SLC44A2: variants seen among roughly 807,000 people sequenced by gnomAD.
The protein encoded by SLC44A2 is solute carrier family 44 member 2 (CTL2 blood group).
In SLC44A2, 57 loss-of-function variants were observed where a neutral mutation model predicts 90.8. The ratio of observed to expected loss-of-function variants is 0.63; its 90% CI spans 0.51 to 0.78. The LOEUF (loss-of-function observed/expected upper bound fraction) is 0.78, where lower values mean the gene tolerates loss of function less well. Ranked by LOEUF, SLC44A2 falls within the 30% of genes least tolerant of loss-of-function variation. The pLI, the probability that SLC44A2 is intolerant of heterozygous loss-of-function variation, is 0.00. For synonymous variants in SLC44A2, 355 were observed against 360.7 expected (o/e 0.98, Z 0.18); for missense variants, 794 against 919.7 (o/e 0.86, Z 1.77).
chr19:10,625,491 G>C, upstream of SLC44A2: 1 of 1,221,108 alleles, frequency 8.2e-7, no homozygotes, highest in Non-Finnish European at 1.0e-6. Flanking sequence ...GGGCCGGTCT[G>C]ACCGGTTTGG....
rs748703156 is a variant in SLC44A2 at position 10,635,421 on chromosome 19, G to A, written c.1149-10G>A. ...AGTCCTAGACCTCTGCTTCCTTAAC[G>A]AACCTCCAGCTTCCTGTCCACTTCC... On this transcript the variant is annotated splice_polypyrimidine_tract_variant and intron_variant, in intron 13 of 21. Transcript: ENST00000335757. The A allele has an allele frequency of 3.7e-6, 6 of 1,614,046 alleles. No homozygotes were observed. Among genetic ancestry groups the A allele is most frequent in the South Asian group, 3.3e-5 (3 of 91,068 alleles).
chr19:10,607,337 A>AT (rs1918139619), intron 1 of SLC44A2, among the ~76,000 whole-genome samples: 1 of 151,810 alleles, frequency 6.6e-6, no homozygotes, highest in Non-Finnish European at 1.5e-5. Context: ...ACCATACTTT[A>AT]TTCTTTGTTG....
chr19:10,610,264 T>TCTTGTC (rs1278416116), intron 1 of SLC44A2, among the ~76,000 whole-genome samples: 1 of 151,688 alleles, frequency 6.6e-6, no homozygotes, highest in Admixed American at 6.6e-5. Context: ...ATCTTTAATA[T>TCTTGTC]CTTGTCCTTA....
intron 4 of SLC44A2, among the ~76,000 whole-genome samples, 188 bp from the exon 5 acceptor site, chr19:10,630,869 G>A (rs76638997): frequency 0.042 from 6,129 of 145,234 alleles, 388 homozygotes; most frequent in East Asian, 0.31. Flanking sequence ...GCCGGGCTTG[G>A]TAGCGGGCAC....
intron 4 of SLC44A2, among the ~76,000 whole-genome samples, chr19:10,628,657 C>T (rs1462350988): frequency 6.6e-6 from 1 of 152,180 alleles, no homozygotes; most frequent in Non-Finnish European, 1.5e-5. Context: ...TAGTAAGCAT[C>T]CTGTTCTCTG....
intron 4 of SLC44A2, among the ~76,000 whole-genome samples, chr19:10,629,682 A>G (rs1485733955): frequency 6.6e-6 from 1 of 151,702 alleles, no homozygotes; most frequent in Non-Finnish European, 1.5e-5. Flanking sequence ...GGCTTAAGCG[A>G]TCTTCCCACC....
intron 1 of SLC44A2, among the ~76,000 whole-genome samples, chr19:10,605,558 G>A (rs774173860): frequency 1.3e-5 from 2 of 151,470 alleles, no homozygotes; most frequent in East Asian, 1.9e-4. Context: ...AAAAATTAGT[G>A]TACCTATAGT....
Position 10,634,742 on chromosome 19 carries a change from G to C in SLC44A2, c.824-14G>C. 6.2e-7 allele frequency: 1 copy of C among 1,614,150 alleles called. No homozygotes were observed. The highest frequency in any genetic ancestry group is 2.2e-5 in the East Asian group (1 of 44,886). On this transcript the variant is annotated splice_polypyrimidine_tract_variant and intron_variant, in intron 10 of 21. Coordinates refer to ENST00000335757, the MANE Select transcript of SLC44A2 (RefSeq NM_020428.4). Reference sequence around the variant, plus strand: ...GAGGCACTGCTGGACTGAGCTTGTGGTTCCCCCATGCAGGAATATTTCACT... The same window carrying C: ...GAGGCACTGCTGGACTGAGCTTGTGCTTCCCCCATGCAGGAATATTTCACT...
intron 2 of SLC44A2, among the ~76,000 whole-genome samples, chr19:10,626,882 G>A (rs1437098078): frequency 6.6e-6 from 1 of 151,236 alleles, no homozygotes; most frequent in African/African-American, 2.4e-5. Flanking sequence ...TCCAGTAGCT[G>A]TGACTACTCA....
chr19:10,634,131 C>T (rs62129987), intron 10 of SLC44A2, among the ~76,000 whole-genome samples: 93,752 of 142,738 alleles, frequency 0.66, 30,993 homozygotes, highest in Admixed American at 0.72. Context: ...CCACCACGCC[C>T]AGCTAATTTT....
At chr19:10,607,980 C>T (rs1001656609) in intron 1 of SLC44A2, among the ~76,000 whole-genome samples, 4 of 133,994 alleles carry the variant, frequency 3.0e-5, no homozygotes, top group East Asian at 2.0e-4. Flanking sequence ...CTCCTGACCT[C>T]GTGATCCGCC....
chr19:10,641,954 G>A (rs567059561), intron 20 of SLC44A2, among the ~76,000 whole-genome samples: 6 of 152,126 alleles, frequency 3.9e-5, no homozygotes, highest in South Asian at 2.1e-4. Flanking sequence ...GAAGTCAGGC[G>A]TTTGAGACCA....
chr19:10,627,960 T>G lies in SLC44A2; in HGVS notation c.201T>G (p.Thr67=). ...ACCCTCGAAAGGTGATCTACCCCAC[T>G]GACAGCCGGGGCGAGTTCTGCGGGC... ...HGDPRKVIYP[T]DSRGEFCGQK... Residue 67 remains threonine (T), a synonymous_variant, in exon 4 of 22, where the codon ACT becomes ACG. Coordinates refer to ENST00000335757, the MANE Select transcript of SLC44A2 (RefSeq NM_020428.4). The G allele has an allele frequency of 6.2e-7, 1 of 1,613,944 alleles. No individual in the cohort carries two copies. Among genetic ancestry groups the G allele is most frequent in the Non-Finnish European group, 8.5e-7 (1 of 1,179,974 alleles).
chr19:10,616,603 G>A (rs549363856), intron 1 of SLC44A2, among the ~76,000 whole-genome samples: 95 of 151,788 alleles, frequency 6.3e-4, no homozygotes, highest in Non-Finnish European at 1.1e-3. Flanking sequence ...AGTGGCTCAC[G>A]CCTGTAATCC....
At chr19:10,607,040 T>C (rs1001034034) in intron 1 of SLC44A2, among the ~76,000 whole-genome samples, 17 of 149,804 alleles carry the variant, frequency 1.1e-4, no homozygotes, top group Non-Finnish European at 2.1e-4. Flanking sequence ...GCCTCCCGAG[T>C]AGCTGGGACT....
Position 10,636,596 on chromosome 19 carries a change from G to T in SLC44A2, c.1496+11G>T, listed in dbSNP as rs368423694. On this transcript the variant is annotated intron_variant, in intron 15 of 21. Transcript: ENST00000335757. ...TGGCCGGGCGCTCAGGTGGGCTGGCGTTGCAGGCAGGATGGGGTGGAGGAC... is the reference window on the plus strand; with the variant it reads ...TGGCCGGGCGCTCAGGTGGGCTGGCTTTGCAGGCAGGATGGGGTGGAGGAC... 1.2e-6 allele frequency: 2 copies of T among 1,604,034 alleles called. No homozygotes were observed. Among genetic ancestry groups the T allele is most frequent in the Admixed American group, 3.3e-5 (2 of 59,754 alleles).
chr19:10,629,047 C>G (rs1568449003), intron 4 of SLC44A2, among the ~76,000 whole-genome samples: 1 of 151,414 alleles, frequency 6.6e-6, no homozygotes, highest in East Asian at 2.0e-4. Context: ...ACTAAAAATA[C>G]AAAAAAATTA....
chr19:10,618,958 CTTTTTTTTTTT>C (rs772955506), intron 1 of SLC44A2, among the ~76,000 whole-genome samples: 3 of 100,098 alleles, frequency 3.0e-5, no homozygotes, highest in Admixed American at 2.2e-4. Context: ...GTATACAATT[CTTTTTTTTTTT>C]TTTTTTTTTT....
At chr19:10,626,370 C>A in intron 2 of SLC44A2, 69 bp downstream of exon 2, 1 of 1,184,254 alleles carries the variant, frequency 8.4e-7, no homozygotes, top group Non-Finnish European at 1.3e-6. Context: ...TTCACACCCC[C>A]TCCCATCTGT....
Sources: gnomAD v4.1 joint callset for allele counts (sites outside exome capture counted in the v4.1 genomes callset) on GRCh38, gnomAD v4.1.1 for gene constraint, MANE v1.5 for transcripts, NCBI Gene and HGNC (gene_info 2026-07-23, HGNC 2026-07-21) for gene names.